The following IQCN variants were observed in gnomAD, a reference collection of about 807,000 sequenced individuals.
IQCN encodes IQ domain-containing protein N.
IQCN carries 46 observed loss-of-function variants against 64.4 expected under a neutral mutation model. The observed-to-expected ratio is 0.71, with a 90% CI of 0.56 to 0.91. IQCN has a LOEUF of 0.91. Among genes scored for constraint, IQCN ranks in the 40% least tolerant of loss-of-function variants. The pLI is 0.00. For synonymous variants in IQCN, 733 were observed against 775.6 expected, an observed-to-expected ratio of 0.95 and a Z score of 0.91; for missense variants, 1,753 against 1,857.4, an observed-to-expected ratio of 0.94 and a Z score of 1.03.
At position 18,265,912 on chromosome 19, in the gene IQCN, G is replaced by A. The variant is rs1969563319; in HGVS notation, c.1628C>T (p.Thr543Ile). ...QVAVAAGTPN[T>I]SGSIHENPPK... ...TGGGTTCTCATGGATGGAGCCTGAGGTGTTGGGAGTTCCGGCTGCTACCGC... is the reference window on the plus strand; with the variant it reads ...TGGGTTCTCATGGATGGAGCCTGAGATGTTGGGAGTTCCGGCTGCTACCGC... The change falls in exon 3 of 4, where the codon ACC (threonine) becomes ATC (isoleucine). Residue 543 changes from threonine to isoleucine, a missense_variant. Coordinates refer to ENST00000392413, the MANE Select transcript of IQCN (RefSeq NM_001145304.2). This position sits in a 1 kb window ranked among gnomAD's most constrained non-coding sequence, Gnocchi z 4.7. 6.2e-7 allele frequency: 1 copy of A among 1,614,234 alleles called. No homozygotes were observed. The highest frequency in any genetic ancestry group is 2.2e-5 in the East Asian group (1 of 44,890).
Position 18,265,730 on chromosome 19 carries a change from C to T in IQCN, c.1810G>A (p.Glu604Lys), listed in dbSNP as rs1258243210. 2.9e-5 allele frequency: 47 copies of T among 1,614,062 alleles called. No individual in the cohort carries two copies. The highest frequency in any genetic ancestry group is 1.6e-4 in the Middle Eastern group (1 of 6,084). The change falls in exon 3 of 4, where the codon GAG becomes AAG. Residue 604 changes from glutamate to lysine, a missense_variant. Coordinates refer to ENST00000392413, the MANE Select transcript of IQCN (RefSeq NM_001145304.2). This position sits in a 1 kb window ranked among gnomAD's most constrained non-coding sequence, Gnocchi z 4.7. The stretch of plus-strand genomic sequence containing the variant: ...TTCTGGGTGCCAGTCTTGATTTTCT[C>T]GGCTTCCAAAGGAAGCTCAGCTGCA... ...RAAAELPLEAEKIKTGTQKQA... is the reference protein window; with the variant it reads ...RAAAELPLEAKKIKTGTQKQA...
At position 18,257,763 on chromosome 19, in the gene IQCN, C is replaced by T. The variant is rs760658438; in HGVS notation, c.3521G>A (p.Ser1174Asn). 1 of 1,610,686 alleles carries T rather than the reference C, an allele frequency of 6.2e-7. No individual in the cohort carries two copies. Among genetic ancestry groups the T allele is most frequent in the South Asian group, 1.1e-5 (1 of 90,928 alleles). The change falls in exon 4 of 4, where the codon AGC (serine) becomes AAC (asparagine). Residue 1174 changes from serine to asparagine, a missense_variant. Transcript: ENST00000392413. ...TTIQSAWRGY[S>N]TRRDQARHWQ... The stretch of plus-strand genomic sequence containing the variant: ...GTGCCGGGCTTGGTCCCGGCGGGTG[C>T]TGTAGCCGCGCCAGGCAGACTGGAT...
chr19:18,265,814 C>A lies in IQCN; in HGVS notation c.1726G>T (p.Ala576Ser). ...VVKASSPSYL[A>S]EGKIRCLAQP... is the part of the protein sequence containing the mutation. ...GCCAGGCACCTGATCTTCCCCTCAGCCAAATAGGAGGGGGATGAGGCTTTC... is the reference window on the plus strand; with the variant it reads ...GCCAGGCACCTGATCTTCCCCTCAGACAAATAGGAGGGGGATGAGGCTTTC... The change falls in exon 3 of 4, where the codon GCT (alanine) becomes TCT (serine). Residue 576 changes from alanine (A) to serine (S), a missense_variant. Coordinates refer to ENST00000392413, the MANE Select transcript of IQCN (RefSeq NM_001145304.2). The surrounding 1 kb of genome is among the most constrained non-coding windows in gnomAD (Gnocchi z 4.7). The A allele has an allele frequency of 1.2e-6, 2 of 1,614,160 alleles. No individual in the cohort carries two copies. Among genetic ancestry groups the A allele is most frequent in the Non-Finnish European group, 1.7e-6 (2 of 1,180,034 alleles).
Position 18,265,151 on chromosome 19 carries a change from C to A in IQCN, c.2389G>T (p.Ala797Ser). ...TGGGTCTGTCTGTCCTCTGGCTTGG[C>A]CCAGGGTGGGGCGCTGAGGCCACCG... is the stretch of plus-strand genomic sequence containing the variant. The part of the protein sequence containing the change: ...RLGGLSAPPW[A>S]KPEDRQTQPQ... Residue 797 changes from alanine to serine, a missense_variant, in exon 3 of 4, where the codon GCC (alanine) becomes TCC (serine). Physicochemically the swap from Ala to Ser is moderately conservative, Grantham distance 99. Transcript: ENST00000392413. This position sits in a 1 kb window ranked among gnomAD's most constrained non-coding sequence, Gnocchi z 4.7. 6.2e-7 allele frequency: 1 copy of A among 1,607,214 alleles called. No individual in the cohort carries two copies. The highest frequency in any genetic ancestry group is 8.5e-7 in the Non-Finnish European group (1 of 1,179,844).
At chr19:18,262,087 C>G (rs773128095) in intron 3 of IQCN, 1 of 152,920 alleles carries the variant, frequency 6.5e-6, no homozygotes, top group Admixed American at 6.6e-5. Flanking sequence ...CTTGGGGACA[C>G]CTCAGTGGCC....
chr19:18,267,378 G>C lies in IQCN; in HGVS notation c.162C>G (p.Pro54=). ...CCTTGGACTTGAGGCCCTCGTGCTGGGGCTGTGGAGGCGCTTTCTCCATTT... is the reference window on the plus strand; with the variant it reads ...CCTTGGACTTGAGGCCCTCGTGCTGCGGCTGTGGAGGCGCTTTCTCCATTT... ...LDKMEKAPPQ[P]QHEGLKSKEH... is the part of the protein sequence containing the mutation. The change falls in exon 3 of 4, where the codon CCC becomes CCG. Residue 54 remains proline, a synonymous_variant. Coordinates refer to ENST00000392413, the MANE Select transcript of IQCN (RefSeq NM_001145304.2). The C allele has an allele frequency of 6.2e-7, 1 of 1,607,416 alleles. No homozygotes were observed. Among genetic ancestry groups the C allele is most frequent in the East Asian group, 2.2e-5 (1 of 44,770 alleles).
chr19:18,273,669 T>C (rs779208628), intron 1 of IQCN, among the ~76,000 whole-genome samples: 2 of 152,168 alleles, frequency 1.3e-5, no homozygotes, highest in Non-Finnish European at 2.9e-5. Context: ...GGTTTGACCA[T>C]ATGGGTCAGG....
intron 1 of IQCN, among the ~76,000 whole-genome samples, chr19:18,273,631 C>T (rs1969789838): frequency 6.6e-6 from 1 of 152,198 alleles, no homozygotes. Flanking sequence ...CTTGCCCGGC[C>T]TAATTTTTGA....
chr19:18,264,939 G>A lies in IQCN; in HGVS notation c.2601C>T (p.Pro867=). Residue 867 remains proline (P), a synonymous_variant, in exon 3 of 4, where the codon CCC becomes CCT. Coordinates refer to ENST00000392413, the MANE Select transcript of IQCN (RefSeq NM_001145304.2). This position sits in a 1 kb window ranked among gnomAD's most constrained non-coding sequence, Gnocchi z 4.3. ...AQPSMPGQAV[P]CQEDTVGSLL... Reference sequence around the variant, plus strand: ...GGGAGCCTACCGTGTCCTCCTGGCAGGGCACCGCCTGGCCGGGCATTGATG... The same window carrying A: ...GGGAGCCTACCGTGTCCTCCTGGCAAGGCACCGCCTGGCCGGGCATTGATG... 3.1e-6 allele frequency: 5 copies of A among 1,612,490 alleles called. No homozygotes were observed. The highest frequency in any genetic ancestry group is 4.2e-6 in the Non-Finnish European group (5 of 1,180,012).
In IQCN at chr19:18,265,530, T is replaced by C; in HGVS notation, c.2010A>G (p.Ser670=). 1 of 1,612,480 alleles carries C rather than the reference T, an allele frequency of 6.2e-7. No individual in the cohort carries two copies. Among genetic ancestry groups the C allele is most frequent in the Non-Finnish European group, 8.5e-7 (1 of 1,178,854 alleles). The part of the protein sequence containing the change: ...GQLAAPLTNA[S]SQRHPPCLSQ... Reference sequence around the variant, plus strand: ...ACAGGCAGGGTGGATGTCTCTGGGATGAGGCATTGGTCAGTGGGGCAGCCA... The same window carrying C: ...ACAGGCAGGGTGGATGTCTCTGGGACGAGGCATTGGTCAGTGGGGCAGCCA... The change falls in exon 3 of 4, where the codon TCA becomes TCG. Residue 670 remains serine (S), a synonymous_variant. Coordinates refer to ENST00000392413, the MANE Select transcript of IQCN (RefSeq NM_001145304.2). The surrounding 1 kb of genome is among the most constrained non-coding windows in gnomAD (Gnocchi z 4.7).
chr19:18,263,886 T>C (rs1021852049), intron 3 of IQCN, among the ~76,000 whole-genome samples: 3 of 151,982 alleles, frequency 2.0e-5, no homozygotes, highest in Non-Finnish European at 4.4e-5. Flanking sequence ...GCTGACCACA[T>C]GTGGCCTGTG....
chr19:18,267,497 T>C lies in IQCN; in HGVS notation c.43A>G (p.Asn15Asp). Residue 15 changes from asparagine to aspartate, a missense_variant, in exon 3 of 4, where the codon AAT (asparagine) becomes GAT (aspartate). By Grantham distance (23) the Asn-to-Asp change is conservative. Coordinates refer to ENST00000392413, the MANE Select transcript of IQCN (RefSeq NM_001145304.2). ...ACTGTAGCTAGGCGGCCGGCTGCAT[T>C]GCCTTGATTACCGGACAGGTCAGCT... is the stretch of plus-strand genomic sequence containing the variant. The part of the protein sequence containing the change: ...GRADLSGNQG[N>D]AAGRLATVHE... 6.5e-7 allele frequency: 1 copy of C among 1,528,792 alleles called. No individual in the cohort carries two copies. Among genetic ancestry groups the C allele is most frequent in the Non-Finnish European group, 8.8e-7 (1 of 1,141,118 alleles). 94.7% of individuals were successfully genotyped at this position (1,528,792 alleles called of 1,614,324 possible).
rs1257065080 is a variant in IQCN at position 18,267,005 on chromosome 19, T to C, written c.535A>G (p.Asn179Asp). The part of the protein sequence containing the change: ...QQVRFQHPEE[N>D]RLLSPPIMVN... ...ATGATGGGCGGGGACAGAAGGCGGTTCTCTTCCGGATGCTGGAAGCGCACC... is the reference window on the plus strand; with the variant it reads ...ATGATGGGCGGGGACAGAAGGCGGTCCTCTTCCGGATGCTGGAAGCGCACC... Residue 179 changes from asparagine to aspartate, a missense_variant, in exon 3 of 4, where the codon AAC (asparagine) becomes GAC (aspartate). By Grantham distance (23) the Asn-to-Asp change is conservative. Coordinates refer to ENST00000392413, the MANE Select transcript of IQCN (RefSeq NM_001145304.2). 9.3e-6 allele frequency: 15 copies of C among 1,613,672 alleles called. No homozygotes were observed. Among genetic ancestry groups the C allele is most frequent in the Non-Finnish European group, 1.3e-5 (15 of 1,179,560 alleles).
rs772553689 is a variant in IQCN, at chr19:18,266,911, A to AG, written c.628dup (p.Leu210ProfsTer68). The AG allele has an allele frequency of 4.4e-6, 7 of 1,606,970 alleles. No individual in the cohort carries two copies. In the Admixed American group the frequency reaches 5.0e-5, roughly 12 times the overall value. ...ACCCTGAGCTGCTGGGGGCTGCAGGAGGGGGGACGACTGGGGTCTGCAGAG... is the reference window on the plus strand; with the variant it reads ...ACCCTGAGCTGCTGGGGGCTGCAGGAGGGGGGGACGACTGGGGTCTGCAGAG... On this transcript the variant is annotated frameshift_variant, in exon 3 of 4. Transcript: ENST00000392413. LOFTEE classifies it high-confidence loss of function. This position sits in a 1 kb window ranked among gnomAD's most constrained non-coding sequence, Gnocchi z 4.3.
At position 18,257,714 on chromosome 19, in the gene IQCN, C is replaced by T. The variant is rs61740686; in HGVS notation, c.3570G>A (p.Thr1190=). 9,925 of 1,608,040 alleles carry T rather than the reference C, an allele frequency of 6.2e-3. 515 individuals carry two copies. In the African/African-American group the frequency reaches 0.12, roughly 19 times the overall value. ...ARHWQMLHPV[T]WVELGSRAGV... ...CGGCCCGGCTGCCCAGCTCCACCCA[C>T]GTGACGGGGTGGAGCATCTGCCAGT... Residue 1190 remains threonine (T), a synonymous_variant, in exon 4 of 4, where the codon ACG becomes ACA. Transcript: ENST00000392413.
chr19:18,264,313 G>A lies in IQCN; in HGVS notation c.3177+50C>T. The stretch of plus-strand genomic sequence containing the variant: ...CCCCATCTCCTCCAAGGGCCCGGCA[G>A]GTTGGCCCATGGTGAAACAACCCCA... On this transcript the variant is annotated intron_variant, in intron 3 of 3. Coordinates refer to ENST00000392413, the MANE Select transcript of IQCN (RefSeq NM_001145304.2). The surrounding 1 kb of genome is among the most constrained non-coding windows in gnomAD (Gnocchi z 4.3). 1 of 1,410,564 alleles carries A rather than the reference G, an allele frequency of 7.1e-7. No individual in the cohort carries two copies. The highest frequency in any genetic ancestry group is 9.3e-7 in the Non-Finnish European group (1 of 1,073,934). The allele number at this position is 1,410,564 out of a possible 1,614,324, so 87.4% of individuals were successfully genotyped here.
rs770013930 is a variant in IQCN at position 18,257,755 on chromosome 19, G to A, written c.3529C>T (p.Arg1177Trp). Reference sequence around the variant, plus strand: ...ATCTGCCAGTGCCGGGCTTGGTCCCGGCGGGTGCTGTAGCCGCGCCAGGCA... The same window carrying A: ...ATCTGCCAGTGCCGGGCTTGGTCCCAGCGGGTGCTGTAGCCGCGCCAGGCA... ...QSAWRGYSTR[R>W]DQARHWQMLH... Residue 1177 changes from arginine (R) to tryptophan (W), a missense_variant, in exon 4 of 4, where the codon CGG (arginine) becomes TGG (tryptophan). Arg to Trp is a moderately radical substitution (Grantham distance 101). Transcript: ENST00000392413. 6.2e-6 allele frequency: 10 copies of A among 1,610,986 alleles called. No individual in the cohort carries two copies. The highest frequency in any genetic ancestry group is 2.2e-5 in the South Asian group (2 of 90,950).
In IQCN at chr19:18,264,314, G is replaced by A; in HGVS notation, c.3177+49C>T. 7.1e-7 allele frequency: 1 copy of A among 1,411,186 alleles called. No individual in the cohort carries two copies. 87.4% of individuals were successfully genotyped at this position (1,411,186 alleles called of 1,614,324 possible). Reference sequence around the variant, plus strand: ...CCCATCTCCTCCAAGGGCCCGGCAGGTTGGCCCATGGTGAAACAACCCCAG... The same window carrying A: ...CCCATCTCCTCCAAGGGCCCGGCAGATTGGCCCATGGTGAAACAACCCCAG... On this transcript the variant is annotated intron_variant, in intron 3 of 3. Coordinates refer to ENST00000392413, the MANE Select transcript of IQCN (RefSeq NM_001145304.2). This position sits in a 1 kb window ranked among gnomAD's most constrained non-coding sequence, Gnocchi z 4.3.
At chr19:18,268,077 T>C in intron 2 of IQCN, 1 of 152,462 alleles carries the variant, frequency 6.6e-6, no homozygotes, top group Non-Finnish European at 1.5e-5. Flanking sequence ...GGATTACAGG[T>C]GTGAGCCACC....
Sources: allele counts gnomAD v4.1 joint callset (sites outside exome capture counted in the v4.1 genomes callset), GRCh38; gene constraint gnomAD v4.1.1; non-coding constraint Gnocchi (gnomAD v3.1); transcripts MANE v1.5; gene names NCBI Gene and HGNC (gene_info 2026-07-23, HGNC 2026-07-21).